SHISA6: variants seen among roughly 807,000 people sequenced by gnomAD.
The protein encoded by SHISA6 is protein shisa-6.
Under a neutral mutation model 47.9 loss-of-function variants are expected in SHISA6, and 22 were observed. The ratio of observed to expected loss-of-function variants is 0.46; its 90% CI spans 0.33 to 0.66. The LOEUF (loss-of-function observed/expected upper bound fraction) is 0.66. Among genes scored for constraint, SHISA6 ranks in the 30% least tolerant of loss-of-function variants. SHISA6 has a pLI of 0.02. For missense variants in SHISA6, 680 were observed against 764.6 expected (o/e 0.89, Z 1.30); for synonymous variants, 388 against 337.8 (o/e 1.15, Z -1.63).
At chr17:11,409,454 C>T (rs114257526) in intron 3 of SHISA6, among the ~76,000 whole-genome samples, 3,237 of 152,058 alleles carry the variant, frequency 0.021, 119 homozygotes, top group African/African-American at 0.062. Context: ...TGGTGGCTCA[C>T]GCCTGTAATC....
At chr17:11,545,075 A>G (rs993316640) in intron 3 of SHISA6, among the ~76,000 whole-genome samples, 2 of 151,934 alleles carry the variant, frequency 1.3e-5, no homozygotes, top group Admixed American at 6.6e-5. Context: ...CAACCTGCAC[A>G]CGAATGTTGA....
intron 2 of SHISA6, among the ~76,000 whole-genome samples, chr17:11,310,196 C>A (rs550247527): frequency 6.6e-6 from 1 of 152,104 alleles, no homozygotes; most frequent in African/African-American, 2.4e-5. Flanking sequence ...AGGAGGTAAA[C>A]AAATATTCAA....
chr17:11,423,439 T>A (rs973695602), intron 3 of SHISA6, among the ~76,000 whole-genome samples: 1 of 150,750 alleles, frequency 6.6e-6, no homozygotes, highest in Admixed American at 6.6e-5. Flanking sequence ...TTGGGGAAAA[T>A]TTTTTTTTCT....
Position 11,291,116 on chromosome 17 carries a change from G to A in SHISA6, c.799+27590G>A, listed in dbSNP as rs988764379. Among the ~76,000 whole-genome samples the A allele has an allele frequency of 7.2e-5, 11 of 151,922 alleles. No individual in the cohort carries two copies. In the South Asian group the frequency reaches 2.3e-3, roughly 32 times the overall value. On this transcript the variant is annotated intron_variant, in intron 2 of 5. Coordinates refer to ENST00000441885, the MANE Select transcript of SHISA6 (RefSeq NM_207386.4). ...TTCCAGGTGACATGCACAGTAGTGG[G>A]CGATTCGAGGGGTAGTGAGCAGATA...
intron 3 of SHISA6, among the ~76,000 whole-genome samples, chr17:11,533,814 G>A (rs915134146): frequency 6.6e-6 from 1 of 151,440 alleles, no homozygotes; most frequent in Admixed American, 6.6e-5. Flanking sequence ...GGATGATCTC[G>A]ATCTACTGAC....
At position 11,477,367 on chromosome 17, in the gene SHISA6, T is replaced by C. The variant is rs115914829; in HGVS notation, c.896-74529T>C. Among the ~76,000 whole-genome samples, 583 of 152,298 alleles carry C rather than the reference T, an allele frequency of 3.8e-3. 4 individuals carry two copies. The highest frequency in any genetic ancestry group is 0.013 in the African/African-American group (549 of 41,572). On this transcript the variant is annotated intron_variant, in intron 3 of 5. Coordinates refer to ENST00000441885, the MANE Select transcript of SHISA6 (RefSeq NM_207386.4). Reference sequence around the variant, plus strand: ...TTCTTTCTGTCTTTTGTGGTTTTAATTGAACATTTTACATGATTCTATTTT... The same window carrying C: ...TTCTTTCTGTCTTTTGTGGTTTTAACTGAACATTTTACATGATTCTATTTT...
intron 3 of SHISA6, among the ~76,000 whole-genome samples, chr17:11,396,327 T>G (rs1567594400): frequency 6.6e-6 from 1 of 152,236 alleles, no homozygotes; most frequent in Non-Finnish European, 1.5e-5. Context: ...ATGATACTGG[T>G]TGATAGTTTT....
At chr17:11,252,358 C>G (rs1244750080) in intron 1 of SHISA6, among the ~76,000 whole-genome samples, 1 of 152,216 alleles carries the variant, frequency 6.6e-6, no homozygotes, top group Non-Finnish European at 1.5e-5. Context: ...CATCTGTCCT[C>G]TGGACATATT....
chr17:11,350,183 T>A lies in SHISA6; in HGVS notation c.800-29231T>A, dbSNP rs935476616. On this transcript the variant is annotated intron_variant, in intron 2 of 5. Coordinates refer to ENST00000441885, the MANE Select transcript of SHISA6 (RefSeq NM_207386.4). The stretch of plus-strand genomic sequence containing the variant: ...ATTTATTTATTTATTTATTTATTTA[T>A]TTTTTTTTTTTTTTGAGACGGAGTC... Among the ~76,000 whole-genome samples the A allele has an allele frequency of 4.3e-4, 35 of 81,732 alleles. 2 individuals are homozygous for A. Among genetic ancestry groups the A allele is most frequent in the African/African-American group, 7.6e-4 (17 of 22,494 alleles). The allele number at this position is 81,732 out of a possible 152,430, so 53.6% of individuals were successfully genotyped here. A position where few individuals can be genotyped will look rare whatever the true frequency, so the allele number is the denominator to read the frequency against.
intron 3 of SHISA6, among the ~76,000 whole-genome samples, chr17:11,428,323 T>C (rs1914657042): frequency 6.6e-6 from 1 of 152,328 alleles, no homozygotes; most frequent in African/African-American, 2.4e-5. Context: ...CTCAGTCTTT[T>C]ATAACGGCGA....
chr17:11,550,738 A>C (rs555911683), intron 3 of SHISA6, among the ~76,000 whole-genome samples: 1 of 152,324 alleles, frequency 6.6e-6, no homozygotes, highest in East Asian at 1.9e-4. Context: ...TAAGCATAAA[A>C]TCTAACCCTA....
Position 11,272,511 on chromosome 17 carries a change from T to C in SHISA6, c.799+8985T>C, listed in dbSNP as rs74734975. Among the ~76,000 whole-genome samples the C allele has an allele frequency of 4.6e-3, 694 of 152,310 alleles. 17 individuals carry two copies. Among genetic ancestry groups the C allele is most frequent in the East Asian group, 0.021 (107 of 5,158 alleles). ...TGCCTTCACTAGCTGGAAGTAGGGC[T>C]TGATCACTTTACTTAACCTTCCGTG... On this transcript the variant is annotated intron_variant, in intron 2 of 5. Transcript: ENST00000441885.
chr17:11,260,469 C>A (rs932128057), intron 1 of SHISA6, among the ~76,000 whole-genome samples: 1 of 152,004 alleles, frequency 6.6e-6, no homozygotes, highest in African/African-American at 2.4e-5. Context: ...CCTCACTTGG[C>A]CGTCTCTGTG....
intron 3 of SHISA6, among the ~76,000 whole-genome samples, chr17:11,462,096 T>C (rs1439609950): frequency 6.6e-6 from 1 of 152,082 alleles, no homozygotes; most frequent in East Asian, 1.9e-4. Flanking sequence ...AGCTGGATCA[T>C]AATGAGAGAA....
At chr17:11,401,898 C>T (rs189996529) in intron 3 of SHISA6, among the ~76,000 whole-genome samples, 202 of 152,250 alleles carry the variant, frequency 1.3e-3, no homozygotes, top group Admixed American at 2.2e-3. Flanking sequence ...TTATAAACTA[C>T]AAATCTATAA....
At chr17:11,401,622 C>T (rs1205825983) in intron 3 of SHISA6, among the ~76,000 whole-genome samples, 1 of 152,222 alleles carries the variant, frequency 6.6e-6, no homozygotes, top group African/African-American at 2.4e-5. Flanking sequence ...TAGTAGGCTA[C>T]ACTGGAATGA....
intron 3 of SHISA6, among the ~76,000 whole-genome samples, chr17:11,414,228 C>T (rs977845982): frequency 6.6e-5 from 10 of 152,112 alleles, no homozygotes; most frequent in Non-Finnish European, 2.9e-5. Flanking sequence ...AAAATAAAGA[C>T]AGGCCAGGGA....
intron 2 of SHISA6, among the ~76,000 whole-genome samples, chr17:11,325,696 T>TAA (rs34638021): frequency 1.3e-3 from 186 of 145,348 alleles, no homozygotes; most frequent in Non-Finnish European, 1.6e-3. Flanking sequence ...GTGCCATGTT[T>TAA]AAAAAAAAAA....
intron 5 of SHISA6, among the ~76,000 whole-genome samples, chr17:11,557,205 G>C (rs936024212): frequency 2.0e-5 from 3 of 152,238 alleles, no homozygotes; most frequent in Non-Finnish European, 2.9e-5. Context: ...ATTTTCACAA[G>C]TGTTTCCTAG....
Sources: allele counts gnomAD v4.1 joint callset (sites outside exome capture counted in the v4.1 genomes callset), GRCh38; gene constraint gnomAD v4.1.1; transcripts MANE v1.5; gene names NCBI Gene and HGNC (gene_info 2026-07-23, HGNC 2026-07-21).